Variants in ARPP21 observed in about 807,000 individuals in gnomAD.
ARPP21 encodes the protein cAMP regulated phosphoprotein 21.
ARPP21 carries 69 observed loss-of-function variants against 113.2 expected under a neutral mutation model. The observed-to-expected ratio is 0.61, with a 90% CI of 0.50 to 0.74. The LOEUF is 0.74. Ranked by LOEUF, ARPP21 falls within the 30% of genes least tolerant of loss-of-function variation. ARPP21 has a pLI of 0.00. For missense variants in ARPP21, 1,070 were observed against 1,037.4 expected (o/e 1.03, Z -0.43); for synonymous variants, 368 against 375.5 (o/e 0.98, Z 0.23).
intron 1 of ARPP21, among the ~76,000 whole-genome samples, chr3:35,654,274 G>A (rs1703788565): frequency 6.6e-6 from 1 of 151,962 alleles, no homozygotes; most frequent in Non-Finnish European, 1.5e-5. Flanking sequence ...CACATGGTTT[G>A]AGCTTTTAAG....
rs184817749 is a variant in ARPP21, at chr3:35,686,428, T to C, written c.262-1311T>C. On this transcript the variant is annotated intron_variant, in intron 5 of 20. Transcript: ENST00000684406. Reference sequence around the variant, plus strand: ...AAGATATTTATGATGAAAGTATGTTTTATTTCATCATTTATATTGCGTGAC... The same window carrying C: ...AAGATATTTATGATGAAAGTATGTTCTATTTCATCATTTATATTGCGTGAC... Among the ~76,000 whole-genome samples, 515 of 151,830 alleles carry C rather than the reference T, an allele frequency of 3.4e-3. 10 individuals carry two copies. Among genetic ancestry groups the C allele is most frequent in the Admixed American group, 0.029 (436 of 15,222 alleles).
chr3:35,695,506 G>A (rs1197743013), intron 9 of ARPP21, among the ~76,000 whole-genome samples: 1 of 151,482 alleles, frequency 6.6e-6, no homozygotes, highest in Non-Finnish European at 1.5e-5. Flanking sequence ...CTTGAAAAAT[G>A]TAGTGCAACT....
At chr3:35,705,706 A>G (rs1168971581) in intron 9 of ARPP21, among the ~76,000 whole-genome samples, 1 of 152,140 alleles carries the variant, frequency 6.6e-6, no homozygotes, top group Non-Finnish European at 1.5e-5. Flanking sequence ...AAAGAGGCAA[A>G]AATTATTTGC....
chr3:35,723,826 T>C (rs545466706), intron 14 of ARPP21, among the ~76,000 whole-genome samples: 107 of 152,290 alleles, frequency 7.0e-4, no homozygotes, highest in African/African-American at 2.5e-3. Flanking sequence ...TCTAAGTGTC[T>C]CCATTTGAAA....
At position 35,729,375 on chromosome 3, in the gene ARPP21, C is replaced by T. The variant is rs1257610844; in HGVS notation, c.1298C>T (p.Pro433Leu). 1.9e-5 allele frequency: 30 copies of T among 1,614,064 alleles called. No homozygotes were observed. The highest frequency in any genetic ancestry group is 2.4e-5 in the Non-Finnish European group (28 of 1,180,030). The stretch of plus-strand genomic sequence containing the variant: ...ACCCATCCACCTCTCCAGAGCACAC[C>T]CCTAGTCTCAGGTGTGGCAGCTGGC... ...SRTHPPLQST[P>L]LVSGVAAGSP... The change falls in exon 15 of 21, where the codon CCC becomes CTC. Residue 433 changes from proline to leucine, a missense_variant. By Grantham distance (98) the Pro-to-Leu change is moderately conservative. Transcript: ENST00000684406.
intron 1 of ARPP21, among the ~76,000 whole-genome samples, chr3:35,667,799 A>C (rs2074779074): frequency 6.7e-6 from 1 of 149,970 alleles, no homozygotes; most frequent in African/African-American, 2.5e-5. Flanking sequence ...GCACTTTGGA[A>C]GTCAGTAAGT....
At chr3:35,739,632 C>T (rs1447956656) in intron 18 of ARPP21, 55 bp downstream of exon 18, 12 of 1,539,466 alleles carry the variant, frequency 7.8e-6, no homozygotes, top group Non-Finnish European at 1.1e-5. Flanking sequence ...TGCATTTTGA[C>T]CTTTATCTTT....
chr3:35,751,364 G>A (rs970941797), intron 19 of ARPP21, among the ~76,000 whole-genome samples: 13 of 152,104 alleles, frequency 8.5e-5, no homozygotes, highest in Non-Finnish European at 1.8e-4. Flanking sequence ...CAGTTCAGAA[G>A]GAGGCCATGA....
intron 12 of ARPP21, 186 bp downstream of exon 12, chr3:35,715,662 A>T: frequency 2.4e-6 from 1 of 425,526 alleles, no homozygotes; most frequent in South Asian, 5.9e-5. Context: ...TTTGGAAAAA[A>T]AATTTTCTTT....
chr3:35,706,940 AC>A (rs1248475588), intron 9 of ARPP21, 33 bp from the exon 10 acceptor site: 2 of 1,543,134 alleles, frequency 1.3e-6, no homozygotes, highest in African/African-American at 1.4e-5. Flanking sequence ...AGGGGGAAAA[AC>A]TTTTTTATTG....
chr3:35,747,189 A>T (rs1337046425), intron 19 of ARPP21, among the ~76,000 whole-genome samples: 1 of 151,950 alleles, frequency 6.6e-6, no homozygotes, highest in Non-Finnish European at 1.5e-5. Flanking sequence ...CGTCTCTACT[A>T]AAAAATATAT....
At chr3:35,659,219 AG>A (rs1706490851) in intron 1 of ARPP21, among the ~76,000 whole-genome samples, 2 of 152,208 alleles carry the variant, frequency 1.3e-5, no homozygotes, top group Non-Finnish European at 2.9e-5. Context: ...ATTACGTCCC[AG>A]CACACATACA....
chr3:35,686,994 T>C (rs570685990), intron 5 of ARPP21, among the ~76,000 whole-genome samples: 1 of 151,444 alleles, frequency 6.6e-6, no homozygotes, highest in African/African-American at 2.4e-5. Flanking sequence ...AAGACAATAT[T>C]ATATTTTGGA....
intron 15 of ARPP21, among the ~76,000 whole-genome samples, chr3:35,732,765 A>T (rs1259140603): frequency 6.6e-6 from 1 of 152,216 alleles, no homozygotes; most frequent in Non-Finnish European, 1.5e-5. Context: ...CAGTGACTTC[A>T]CTTTGAGGAG....
intron 17 of ARPP21, 35 bp from the exon 18 acceptor site, chr3:35,739,282 C>T (rs1167880840): frequency 1.3e-6 from 2 of 1,599,912 alleles, no homozygotes; most frequent in Non-Finnish European, 1.7e-6. Context: ...CAAGCTGATC[C>T]TGTGAATTCC....
rs748765688 is a variant in ARPP21 at position 35,674,929 on chromosome 3, G to T, written c.-212-4858G>T. ...CGACATACTGGGAATTAATTGCACAGATTAGGTAAACTTGCCCTATATTTC... is the reference window on the plus strand; with the variant it reads ...CGACATACTGGGAATTAATTGCACATATTAGGTAAACTTGCCCTATATTTC... On this transcript the variant is annotated intron_variant, in intron 1 of 20. Coordinates refer to ENST00000684406, the MANE Select transcript of ARPP21 (RefSeq NM_001385562.1). Among the ~76,000 whole-genome samples, 86 of 151,798 alleles carry T rather than the reference G, an allele frequency of 5.7e-4. 1 individual carries two copies. The highest frequency in any genetic ancestry group is 1.0e-3 in the Non-Finnish European group (71 of 67,908).
chr3:35,787,117 A>C (rs186862720), intron 19 of ARPP21, among the ~76,000 whole-genome samples: 67 of 152,346 alleles, frequency 4.4e-4, no homozygotes, highest in African/African-American at 1.6e-3. Flanking sequence ...TTCCAAAATT[A>C]GAAGTGGCCT....
intron 5 of ARPP21, chr3:35,684,661 T>C: frequency 1.0e-6 from 1 of 985,424 alleles, no homozygotes; most frequent in Non-Finnish European, 1.2e-6. Flanking sequence ...TCATTATTTT[T>C]GTTTGGTTTG....
At chr3:35,776,111 A>G (rs1241946909) in intron 19 of ARPP21, among the ~76,000 whole-genome samples, 1 of 152,190 alleles carries the variant, frequency 6.6e-6, no homozygotes, top group Non-Finnish European at 1.5e-5. Flanking sequence ...ATAAAACACC[A>G]TTTATCATTT....
Sources: gnomAD v4.1 joint callset for allele counts (sites outside exome capture counted in the v4.1 genomes callset) on GRCh38, gnomAD v4.1.1 for gene constraint, MANE v1.5 for transcripts, NCBI Gene and HGNC (gene_info 2026-07-23, HGNC 2026-07-21) for gene names.